Variants in SHTN1 observed in about 807,000 individuals in gnomAD.
SHTN1 encodes the protein shootin 1.
In SHTN1, 42 loss-of-function variants were observed where a neutral mutation model predicts 83.1. The ratio of observed to expected loss-of-function variants is 0.51; its 90% CI spans 0.39 to 0.65. The LOEUF (loss-of-function observed/expected upper bound fraction) is 0.65, where lower values mean the gene tolerates loss of function less well. Ranked by LOEUF, SHTN1 falls within the 30% of genes least tolerant of loss-of-function variation. The probability of loss-of-function intolerance (pLI) is 0.00; values close to 1 mark genes in which losing one functional copy is unlikely to be tolerated. For synonymous variants in SHTN1, 224 were observed against 247.7 expected (o/e 0.90, Z 0.90); for missense variants, 622 against 737.8 (o/e 0.84, Z 1.82).
intron 6 of SHTN1, 36 bp downstream of exon 6, chr10:116,951,873 G>A: frequency 1.6e-6 from 2 of 1,222,150 alleles, no homozygotes; most frequent in Admixed American, 1.9e-5. Context: ...CCTTGAAAAT[G>A]CTAAAGCCCT....
At chr10:117,085,143 T>C (rs1853332527) in intron 1 of SHTN1, among the ~76,000 whole-genome samples, 1 of 152,218 alleles carries the variant, frequency 6.6e-6, no homozygotes, top group African/African-American at 2.4e-5. Flanking sequence ...CTGCTTTCAA[T>C]GTCATTGATT....
At chr10:116,963,758 C>T (rs1313992479) in intron 3 of SHTN1, among the ~76,000 whole-genome samples, 1 of 151,984 alleles carries the variant, frequency 6.6e-6, no homozygotes, top group Non-Finnish European at 1.5e-5. Context: ...CATGGGGATT[C>T]GTTAAATTAT....
intron 5 of SHTN1, among the ~76,000 whole-genome samples, chr10:116,953,038 T>C (rs1001430219): frequency 2.0e-5 from 3 of 152,184 alleles, no homozygotes; most frequent in Admixed American, 6.5e-5. Flanking sequence ...TTGTGTTAGC[T>C]TGAGGGGTTG....
intron 1 of SHTN1, among the ~76,000 whole-genome samples, chr10:117,098,705 C>T (rs1853542798): frequency 6.6e-6 from 1 of 152,094 alleles, no homozygotes. Flanking sequence ...TTATTTGCCA[C>T]TTAGCAAATA....
chr10:117,092,006 G>T (rs1312943361), intron 1 of SHTN1, among the ~76,000 whole-genome samples: 1 of 152,158 alleles, frequency 6.6e-6, no homozygotes, highest in Non-Finnish European at 1.5e-5. Flanking sequence ...AAACAACCCT[G>T]GGAGATTGGT....
At chr10:117,100,858 T>G (rs118131739) in intron 1 of SHTN1, among the ~76,000 whole-genome samples, 2,347 of 152,272 alleles carry the variant, frequency 0.015, 17 homozygotes, top group Middle Eastern at 0.031. Context: ...GATTCTGAGG[T>G]GGGACTAAGT....
chr10:116,929,922 T>C lies in SHTN1; in HGVS notation c.939A>G (p.Leu313=), dbSNP rs1161100616. ...IHNLKQQLEL[L]EEDKKELELK... ...ATTCCAATTCCTTTTTATCTTCCTC[T>C]AGAAGCTCCAGTTGCTGTTTGAGGT... The change falls in exon 10 of 17, where the codon CTA becomes CTG. Residue 313 remains leucine (L), a synonymous_variant. Transcript: ENST00000355371. 1 of 1,609,058 alleles carries C rather than the reference T, an allele frequency of 6.2e-7. No individual in the cohort carries two copies.
At chr10:117,101,760 C>A (rs1564959708) in intron 1 of SHTN1, among the ~76,000 whole-genome samples, 1 of 152,134 alleles carries the variant, frequency 6.6e-6, no homozygotes, top group African/African-American at 2.4e-5. Flanking sequence ...TGATTCAAAT[C>A]ATTTAACTGT....
intron 11 of SHTN1, among the ~76,000 whole-genome samples, chr10:116,925,351 T>C (rs539891472): frequency 6.6e-6 from 1 of 152,234 alleles, no homozygotes; most frequent in East Asian, 1.9e-4. Flanking sequence ...TCTAACTGGG[T>C]TATTGGCTTT....
chr10:117,033,545 T>TC (rs1852451235), intron 2 of SHTN1, among the ~76,000 whole-genome samples: 1 of 152,058 alleles, frequency 6.6e-6, no homozygotes, highest in South Asian at 2.1e-4. Context: ...ATAAAAGGTC[T>TC]CCCAGTAAAG....
intron 1 of SHTN1, among the ~76,000 whole-genome samples, chr10:117,109,125 T>A (rs1313888286): frequency 6.6e-6 from 1 of 152,226 alleles, no homozygotes; most frequent in Non-Finnish European, 1.5e-5. Context: ...TGATTGCGCA[T>A]TGTAATCATC....
intron 13 of SHTN1, among the ~76,000 whole-genome samples, chr10:116,913,793 G>C (rs765057516): frequency 6.6e-6 from 1 of 152,128 alleles, no homozygotes; most frequent in African/African-American, 2.4e-5. Context: ...CCATGTGTCA[G>C]ATAAGGCAGG....
chr10:117,009,927 T>C (rs1022458552), upstream of SHTN1, among the ~76,000 whole-genome samples: 1 of 151,352 alleles, frequency 6.6e-6, no homozygotes, highest in Non-Finnish European at 1.5e-5. Context: ...AAAAAAAAAC[T>C]TATGGAATAC....
At chr10:117,023,049 A>G (rs1378810013) in intron 2 of SHTN1, among the ~76,000 whole-genome samples, 1 of 152,240 alleles carries the variant, frequency 6.6e-6, no homozygotes, top group African/African-American at 2.4e-5. Context: ...AATTTGACTT[A>G]AGAATTTAAT....
Position 117,088,316 on chromosome 10 carries a change from C to T in SHTN1, c.-189+37991G>A, listed in dbSNP as rs190881632. ...GAGTCACATCCATTCACATTTAGTA[C>T]CTTTTATTCATAACTGATTAAAATT... On this transcript the variant is annotated intron_variant, in intron 1 of 17. Transcript: ENST00000392901. Among the ~76,000 whole-genome samples the T allele has an allele frequency of 5.4e-4, 82 of 152,258 alleles. 1 individual carries two copies. The highest frequency in any genetic ancestry group is 2.0e-3 in the African/African-American group (82 of 41,548).
intron 2 of SHTN1, among the ~76,000 whole-genome samples, chr10:116,971,975 GA>G (rs1850634671): frequency 6.6e-6 from 1 of 152,156 alleles, no homozygotes; most frequent in African/African-American, 2.4e-5. Context: ...AGTCAGATCT[GA>G]AAAAGGCCAC....
chr10:116,939,239 G>T (rs1383081583), intron 9 of SHTN1, among the ~76,000 whole-genome samples: 1 of 152,180 alleles, frequency 6.6e-6, no homozygotes, highest in East Asian at 1.9e-4. Context: ...CAGCTAGTTT[G>T]GTGTCTGCCC....
intron 1 of SHTN1, among the ~76,000 whole-genome samples, chr10:117,063,275 G>A (rs756397073): frequency 2.1e-4 from 32 of 152,134 alleles, no homozygotes; most frequent in Non-Finnish European, 4.7e-4. Flanking sequence ...GGAAGAGGAG[G>A]AAAGCCCCCA....
At chr10:116,949,121 G>T (rs1261540161) in intron 6 of SHTN1, 124 bp from the exon 7 acceptor site, 6 of 1,082,160 alleles carry the variant, frequency 5.5e-6, no homozygotes, top group Non-Finnish European at 7.4e-6. Flanking sequence ...GCAGAAATTG[G>T]TTTCAATGTG....
Sources: gnomAD v4.1 joint callset for allele counts (sites outside exome capture counted in the v4.1 genomes callset) on GRCh38, gnomAD v4.1.1 for gene constraint, MANE v1.5 for transcripts, NCBI Gene and HGNC (gene_info 2026-07-23, HGNC 2026-07-21) for gene names.